Variants in CCDC83 observed in about 807,000 individuals in gnomAD.
The protein encoded by CCDC83 is coiled-coil domain containing 83, also known as coiled-coil domain-containing protein 83.
A neutral mutation model predicts 50.1 loss-of-function variants in CCDC83; 54 were observed. The ratio of observed to expected loss-of-function variants is 1.08; its 90% confidence interval spans 0.87 to 1.35. CCDC83 has a LOEUF of 1.35. Ranked by LOEUF, CCDC83 falls within the 40% of genes most tolerant of loss-of-function variation. CCDC83 has a pLI of 0.00. For missense variants in CCDC83, 518 were observed against 473.9 expected (o/e 1.09, Z -0.86); for synonymous variants, 161 against 153.3 (o/e 1.05, Z -0.37).
At chr11:85,885,083 G>A (rs2093320149) in intron 4 of CCDC83, among the ~76,000 whole-genome samples, 1 of 152,040 alleles carries the variant, frequency 6.6e-6, no homozygotes, top group African/African-American at 2.4e-5. Flanking sequence ...ACGTGGTGGT[G>A]GGTGCCTGTG....
Position 85,915,972 on chromosome 11 carries a change from T to C in CCDC83, c.875-56T>C. On this transcript the variant is annotated intron_variant, in intron 9 of 10. Transcript: ENST00000342404. ...AATGTGACAAAGTATGTATTGCATT[T>C]TTATTTGTATATGTTCAAAATGTAT... 3.3e-6 allele frequency: 4 copies of C among 1,211,432 alleles called. No homozygotes were observed. The South Asian group carries it at 4.0e-5, about 12-fold the overall frequency. The allele number at this position is 1,211,432 out of a possible 1,614,324, so 75.0% of individuals were successfully genotyped here.
At position 85,895,264 on chromosome 11, in the gene CCDC83, C is replaced by CTTT. The variant is rs10594256; in HGVS notation, c.512-7_512-5dup. ...CATGCTTGATAAGGCTTTTAATTTT[C>CTTT]TTTTTTTTTTTTTTTTTTTTTTTTA... is the stretch of plus-strand genomic sequence containing the variant. On this transcript the variant is annotated intron_variant, in intron 5 of 10. Transcript: ENST00000342404. 5.6e-3 allele frequency: 2,013 copies of CTTT among 361,722 alleles called. 17 individuals are homozygous for CTTT. The highest frequency in any genetic ancestry group is 5.8e-3 in the Non-Finnish European group (1,230 of 212,386). 22.4% of individuals were successfully genotyped at this position (361,722 alleles called of 1,614,324 possible).
chr11:85,889,196 T>C (rs924560221), intron 5 of CCDC83, among the ~76,000 whole-genome samples: 2 of 152,136 alleles, frequency 1.3e-5, no homozygotes, highest in Non-Finnish European at 2.9e-5. Flanking sequence ...CTACCAAAAA[T>C]ACAAAAGTTA....
chr11:85,867,148 T>C (rs2093212071), intron 2 of CCDC83, among the ~76,000 whole-genome samples: 3 of 152,102 alleles, frequency 2.0e-5, no homozygotes, highest in South Asian at 2.1e-4. Flanking sequence ...ATCAAACTCC[T>C]GGGCTCAAGT....
In CCDC83 at chr11:85,873,292, AAG is replaced by A; in HGVS notation, c.180_180+1del. Reference sequence around the variant, plus strand: ...GGAAAAAGAACCAAAAATATCATGAAAGAGTGAGTATAAAATTTAGAACCTAT... The same window carrying A: ...GGAAAAAGAACCAAAAATATCATGAAAGTGAGTATAAAATTTAGAACCTAT... ...LRKKNQKYHERNSRLKEEQIW... is the reference protein window; with the variant it reads ...LRKKNQKYHEXNSRLKEEQIW... On this transcript the variant is annotated frameshift_variant and splice_region_variant, in exon 3 of 11. Coordinates refer to ENST00000342404, the MANE Select transcript of CCDC83 (RefSeq NM_001286159.2). LOFTEE classifies it high-confidence loss of function. The A allele has an allele frequency of 7.3e-7, 1 of 1,376,344 alleles. No individual in the cohort carries two copies. Among genetic ancestry groups the A allele is most frequent in the Non-Finnish European group, 1.0e-6 (1 of 990,398 alleles). 85.3% of individuals were successfully genotyped at this position (1,376,344 alleles called of 1,614,324 possible).
intron 10 of CCDC83, among the ~76,000 whole-genome samples, chr11:85,918,543 A>G (rs1339062182): frequency 6.6e-6 from 1 of 152,224 alleles, no homozygotes; most frequent in African/African-American, 2.4e-5. Flanking sequence ...ATTTCATATC[A>G]GTTAGACTTC....
At chr11:85,868,675 C>A (rs548576098) in intron 2 of CCDC83, among the ~76,000 whole-genome samples, 1 of 152,148 alleles carries the variant, frequency 6.6e-6, no homozygotes, top group Non-Finnish European at 1.5e-5. Flanking sequence ...CAGGTGTTAG[C>A]CATGTTTGTT....
intron 4 of CCDC83, among the ~76,000 whole-genome samples, chr11:85,883,523 A>G (rs2093312032): frequency 6.6e-6 from 1 of 152,148 alleles, no homozygotes; most frequent in Non-Finnish European, 1.5e-5. Flanking sequence ...GACCCAGGGC[A>G]TACTCTTGCT....
At chr11:85,883,057 C>T (rs558273268) in intron 4 of CCDC83, among the ~76,000 whole-genome samples, 1 of 152,090 alleles carries the variant, frequency 6.6e-6, no homozygotes, top group Admixed American at 6.5e-5. Context: ...AGCTGGGACT[C>T]CAGGTGCACA....
intron 2 of CCDC83, among the ~76,000 whole-genome samples, chr11:85,872,922 T>C (rs2093247448): frequency 6.6e-6 from 1 of 152,136 alleles, no homozygotes; most frequent in South Asian, 2.1e-4. Flanking sequence ...CTCCTAGTTT[T>C]CCTTTAGGCT....
At chr11:85,869,757 A>G (rs1191608644) in intron 2 of CCDC83, among the ~76,000 whole-genome samples, 1 of 152,228 alleles carries the variant, frequency 6.6e-6, no homozygotes, top group African/African-American at 2.4e-5. Context: ...TTAAAAAGGA[A>G]AAAAGTGTAT....
intron 3 of CCDC83, among the ~76,000 whole-genome samples, chr11:85,876,243 C>T (rs1365975297): frequency 3.9e-5 from 6 of 152,152 alleles, no homozygotes; most frequent in Admixed American, 3.9e-4. Context: ...TCTCACTTAA[C>T]ACTATGGCTT....
chr11:85,885,886 A>AAG (rs2093324500), intron 4 of CCDC83, among the ~76,000 whole-genome samples: 1 of 152,204 alleles, frequency 6.6e-6, no homozygotes, highest in Non-Finnish European at 1.5e-5. Context: ...ACACTGTACA[A>AAG]AATAGGACCC....
At chr11:85,878,844 C>T (rs1487268286) in intron 3 of CCDC83, among the ~76,000 whole-genome samples, 2 of 152,112 alleles carry the variant, frequency 1.3e-5, no homozygotes, top group Non-Finnish European at 2.9e-5. Context: ...TTTAGTGATG[C>T]CGCTATGCAC....
chr11:85,897,044 G>A (rs1011856738), intron 6 of CCDC83, among the ~76,000 whole-genome samples: 1 of 152,210 alleles, frequency 6.6e-6, no homozygotes, highest in Non-Finnish European at 1.5e-5. Flanking sequence ...GTTTGCTCAT[G>A]CAATTCAGCT....
chr11:85,866,721 C>T (rs1196770415), intron 2 of CCDC83, among the ~76,000 whole-genome samples: 1 of 150,640 alleles, frequency 6.6e-6, no homozygotes, highest in African/African-American at 2.4e-5. Context: ...TAAAAGAAAA[C>T]TGTAGGGTGC....
intron 3 of CCDC83, among the ~76,000 whole-genome samples, chr11:85,880,229 A>C (rs544493394): frequency 6.6e-6 from 1 of 152,272 alleles, no homozygotes; most frequent in Admixed American, 6.5e-5. Flanking sequence ...GCTGTCTTCC[A>C]ATCCATGAAC....
intron 1 of CCDC83, 45 bp from the exon 2 acceptor site, chr11:85,865,051 G>A: frequency 1.1e-6 from 1 of 949,962 alleles, no homozygotes; most frequent in Admixed American, 1.9e-5. Context: ...AAGTAGGGAG[G>A]CAAAGATGGA....
rs1351230210 is a variant in CCDC83 at position 85,919,710 on chromosome 11, G to A, written c.*200G>A. ...GTATGAGTGACCAAAACGGAAGCAC[G>A]CTTTGTATTTCTACACTGAAGTATT... On this transcript the variant is annotated 3_prime_UTR_variant, in exon 11 of 11. Coordinates refer to ENST00000342404, the MANE Select transcript of CCDC83 (RefSeq NM_001286159.2). 1.3e-5 allele frequency: 7 copies of A among 525,256 alleles called. No individual in the cohort carries two copies. The highest frequency in any genetic ancestry group is 4.9e-5 in the South Asian group (2 of 40,640). The allele number at this position is 525,256 out of a possible 1,614,324, so 32.5% of individuals were successfully genotyped here.
Sources: gnomAD v4.1 joint callset for allele counts (sites outside exome capture counted in the v4.1 genomes callset) on GRCh38, gnomAD v4.1.1 for gene constraint, MANE v1.5 for transcripts, NCBI Gene and HGNC (gene_info 2026-07-23, HGNC 2026-07-21) for gene names.